DGKB: variants seen among roughly 807,000 people sequenced by gnomAD.
DGKB encodes 90 kDa diacylglycerol kinase.
A neutral mutation model predicts 114.3 loss-of-function variants in DGKB; 67 were observed. The ratio of observed to expected loss-of-function variants is 0.59; its 90% CI spans 0.48 to 0.72. The LOEUF (loss-of-function observed/expected upper bound fraction) is 0.72, where lower values mean the gene tolerates loss of function less well. Among genes scored for constraint, DGKB ranks in the 30% least tolerant of loss-of-function variants. DGKB has a pLI of 0.00. For missense variants in DGKB, 907 were observed against 975.2 expected, an observed-to-expected ratio of 0.93 and a Z score of 0.93; for synonymous variants, 398 against 323.1, an observed-to-expected ratio of 1.23 and a Z score of -2.49.
At chr7:14,631,763 C>T (rs537879605) in intron 13 of DGKB, among the ~76,000 whole-genome samples, 37 of 152,032 alleles carry the variant, frequency 2.4e-4, no homozygotes, top group Non-Finnish European at 4.1e-4. Context: ...TATTATCATT[C>T]TTTCTTAGCT....
chr7:14,533,768 C>T (rs1791979683), intron 20 of DGKB, among the ~76,000 whole-genome samples: 1 of 151,938 alleles, frequency 6.6e-6, no homozygotes, highest in South Asian at 2.1e-4. Flanking sequence ...TGGAGTGATA[C>T]ATTCAAAGTA....
intron 2 of DGKB, among the ~76,000 whole-genome samples, chr7:14,812,612 T>C (rs1014354724): frequency 5.3e-5 from 8 of 152,146 alleles, no homozygotes; most frequent in Admixed American, 2.6e-4. Flanking sequence ...TCTAGAATAT[T>C]CTAAGCTACA....
At chr7:14,194,794 A>T (rs1053778270) in intron 23 of DGKB, among the ~76,000 whole-genome samples, 1 of 152,124 alleles carries the variant, frequency 6.6e-6, no homozygotes, top group Admixed American at 6.6e-5. Context: ...AACCAGCCGG[A>T]GCTGACTATA....
At chr7:14,512,239 G>C (rs1308426203) in intron 20 of DGKB, among the ~76,000 whole-genome samples, 2 of 152,138 alleles carry the variant, frequency 1.3e-5, no homozygotes, top group African/African-American at 4.8e-5. Context: ...GCATACTTAT[G>C]TTTGCAAAAC....
At chr7:14,851,696 G>C (rs901666867) in intron 1 of DGKB, among the ~76,000 whole-genome samples, 39 of 152,148 alleles carry the variant, frequency 2.6e-4, no homozygotes, top group Non-Finnish European at 4.7e-4. Context: ...ATCATAAATT[G>C]TCACACACTT....
intron 25 of DGKB, among the ~76,000 whole-genome samples, chr7:14,168,241 G>C (rs991074552): frequency 6.6e-6 from 1 of 152,070 alleles, no homozygotes; most frequent in African/African-American, 2.4e-5. Context: ...TTCAAACACA[G>C]GTGAATAGAT....
intron 2 of DGKB, among the ~76,000 whole-genome samples, chr7:14,808,442 C>T (rs1205041497): frequency 3.3e-5 from 5 of 151,958 alleles, no homozygotes; most frequent in Non-Finnish European, 1.5e-5. Flanking sequence ...TCATCCTTCA[C>T]TATAACTACG....
At chr7:14,181,060 T>TA (rs1782566944) in intron 23 of DGKB, among the ~76,000 whole-genome samples, 1 of 152,020 alleles carries the variant, frequency 6.6e-6, no homozygotes, top group Non-Finnish European at 1.5e-5. Flanking sequence ...TTTAAAAATA[T>TA]AAAAAAATAA....
intron 12 of DGKB, among the ~76,000 whole-genome samples, chr7:14,673,232 A>G (rs1244692576): frequency 2.6e-5 from 4 of 152,112 alleles, no homozygotes; most frequent in South Asian, 2.1e-4. Flanking sequence ...AGCTTCTGTG[A>G]CCCATTCTAT....
chr7:14,157,733 C>T (rs1291999933), intron 25 of DGKB, among the ~76,000 whole-genome samples: 1 of 152,100 alleles, frequency 6.6e-6, no homozygotes, highest in Non-Finnish European at 1.5e-5. Context: ...ATTTTAAAAG[C>T]ATTTTTATTA....
chr7:14,223,462 C>CA (rs1242091275), intron 23 of DGKB, among the ~76,000 whole-genome samples: 1 of 151,662 alleles, frequency 6.6e-6, no homozygotes. Context: ...ATGTTACAAA[C>CA]ACGTTACTTT....
chr7:14,478,352 G>A (rs3823843), intron 20 of DGKB, 127 bp from the exon 21 acceptor site: 260,458 of 559,326 alleles, frequency 0.47, 64,874 homozygotes, highest in East Asian at 0.85. Flanking sequence ...TGCCAAGAAG[G>A]TTATGTAAAA....
chr7:14,154,560 A>G (rs1011925730), intron 25 of DGKB, among the ~76,000 whole-genome samples: 3 of 152,016 alleles, frequency 2.0e-5, no homozygotes, highest in Non-Finnish European at 4.4e-5. Flanking sequence ...CCTGGTACAA[A>G]AAAAGCACTC....
chr7:14,618,300 G>A (rs1057143258), intron 15 of DGKB, among the ~76,000 whole-genome samples: 1 of 151,410 alleles, frequency 6.6e-6, no homozygotes, highest in African/African-American at 2.4e-5. Context: ...AAAATAAAGA[G>A]GCAGTTTTGT....
chr7:14,733,587 T>C (rs76909369), intron 5 of DGKB, among the ~76,000 whole-genome samples: 4,885 of 151,728 alleles, frequency 0.032, 172 homozygotes, highest in Admixed American at 0.1. Flanking sequence ...ACTTGGGAGG[T>C]TGGGGCAGGA....
intron 20 of DGKB, among the ~76,000 whole-genome samples, chr7:14,554,535 T>C (rs1361686643): frequency 2.0e-5 from 3 of 152,176 alleles, no homozygotes; most frequent in South Asian, 2.1e-4. Context: ...AGAAATGAGA[T>C]GGATGGATCA....
chr7:14,718,827 C>T (rs1310443927), intron 5 of DGKB, 142 bp from the exon 6 acceptor site: 7 of 628,136 alleles, frequency 1.1e-5, no homozygotes, highest in African/African-American at 5.5e-5. Flanking sequence ...TCTGTAAGAT[C>T]GGTACAGCAG....
chr7:14,475,862 T>C (rs1463967496), intron 21 of DGKB, among the ~76,000 whole-genome samples: 1 of 152,098 alleles, frequency 6.6e-6, no homozygotes, highest in African/African-American at 2.4e-5. Flanking sequence ...ATGTGAATAA[T>C]AGGAGTCTTT....
chr7:14,314,659 G>A (rs552497249), intron 23 of DGKB, among the ~76,000 whole-genome samples: 1 of 152,122 alleles, frequency 6.6e-6, no homozygotes, highest in Non-Finnish European at 1.5e-5. Flanking sequence ...CGTCTGACTG[G>A]TGTACCTGAA....
Sources: gnomAD v4.1 joint callset for allele counts (sites outside exome capture counted in the v4.1 genomes callset) on GRCh38, gnomAD v4.1.1 for gene constraint, MANE v1.5 for transcripts, NCBI Gene and HGNC (gene_info 2026-07-23, HGNC 2026-07-21) for gene names.